The following PHC2 variants were observed in gnomAD, a reference collection of about 807,000 sequenced individuals.
PHC2 encodes polyhomeotic homolog 2.
Under a neutral mutation model 87.4 loss-of-function variants are expected in PHC2, and 29 were observed. The ratio of observed to expected loss-of-function variants is 0.33; its 90% CI spans 0.25 to 0.45. The LOEUF is 0.45. PHC2 is among the 20% of genes least tolerant of loss of function. The pLI is 1.00. For synonymous variants in PHC2, 438 were observed against 461.7 expected, an observed-to-expected ratio of 0.95 and a Z score of 0.66; for missense variants, 857 against 1,136.7, an observed-to-expected ratio of 0.75 and a Z score of 3.54.
chr1:33,380,095 G>T (rs561791226), intron 1 of PHC2, among the ~76,000 whole-genome samples: 5 of 152,332 alleles, frequency 3.3e-5, no homozygotes, highest in African/African-American at 1.2e-4. Context: ...TCACACTTTT[G>T]ATAGCTGTGG....
chr1:33,346,534 G>C lies in PHC2; in HGVS notation c.1558+7867C>G, dbSNP rs527375812. The C allele has an allele frequency of 4.3e-5, 42 of 985,108 alleles. No individual in the cohort carries two copies. In the South Asian group the frequency reaches 1.7e-3, roughly 40 times the overall value. 61.0% of individuals were successfully genotyped at this position (985,108 alleles called of 1,614,324 possible). ...TCTGGAGATTAAATATTGAACAGCT[G>C]GGAGAAGTTTAATATAAATTTAGAC... is the stretch of plus-strand genomic sequence containing the variant. On this transcript the variant is annotated intron_variant, in intron 9 of 14. Transcript: ENST00000683057.
At chr1:33,426,737 T>C (rs16835467) in intron 1 of PHC2, among the ~76,000 whole-genome samples, 14,907 of 152,118 alleles carry the variant, frequency 0.098, 1,035 homozygotes, top group East Asian at 0.28. Context: ...TTGTGCAGCA[T>C]GACATAGCAA....
chr1:33,387,651 T>C (rs537380160), intron 1 of PHC2, among the ~76,000 whole-genome samples: 2 of 152,236 alleles, frequency 1.3e-5, no homozygotes, highest in African/African-American at 4.8e-5. Flanking sequence ...CTGAGATTCA[T>C]AGAGGCCCTG....
intron 1 of PHC2, among the ~76,000 whole-genome samples, chr1:33,389,659 C>T (rs1648950914): frequency 2.0e-5 from 3 of 152,152 alleles, no homozygotes; most frequent in Admixed American, 2.0e-4. Context: ...AAATAATAGC[C>T]TTTAATTGCT....
chr1:33,328,765 C>T, intron 14 of PHC2, 105 bp downstream of exon 14: 1 of 1,139,546 alleles, frequency 8.8e-7, no homozygotes. Context: ...AGTTCCTGAA[C>T]CTGAGTCATT....
chr1:33,361,843 G>A lies in PHC2; in HGVS notation c.976+5273C>T, dbSNP rs560996734. Among the ~76,000 whole-genome samples, 8 of 152,334 alleles carry A rather than the reference G, an allele frequency of 5.3e-5. No homozygotes were observed. The South Asian group carries it at 1.7e-3, about 32-fold the overall frequency. On this transcript the variant is annotated intron_variant, in intron 7 of 14. Transcript: ENST00000683057. ...TAAGCTGGGTGGTGATGGAGCGTGGGAATGAGGGAGGGCTTTCTCTGTGCC... is the reference window on the plus strand; with the variant it reads ...TAAGCTGGGTGGTGATGGAGCGTGGAAATGAGGGAGGGCTTTCTCTGTGCC...
chr1:33,418,077 G>C (rs1157191754), intron 1 of PHC2, among the ~76,000 whole-genome samples: 3 of 152,126 alleles, frequency 2.0e-5, no homozygotes, highest in Non-Finnish European at 4.4e-5. Flanking sequence ...TATAGCTAAA[G>C]TAGTACTTAA....
intron 1 of PHC2, among the ~76,000 whole-genome samples, chr1:33,413,740 G>A (rs999877438): frequency 6.6e-6 from 1 of 152,200 alleles, no homozygotes; most frequent in East Asian, 1.9e-4. Flanking sequence ...GGCCTATATA[G>A]ATAATAACAA....
chr1:33,391,142 T>C (rs1324039520), intron 1 of PHC2, among the ~76,000 whole-genome samples: 1 of 152,198 alleles, frequency 6.6e-6, no homozygotes, highest in Non-Finnish European at 1.5e-5. Flanking sequence ...CAAAATCACC[T>C]GGAGGGTTTG....
intron 1 of PHC2, among the ~76,000 whole-genome samples, chr1:33,391,507 G>A (rs188494725): frequency 6.6e-6 from 1 of 152,214 alleles, no homozygotes; most frequent in East Asian, 1.9e-4. Flanking sequence ...ATCACTGTAC[G>A]GGACTGTATG....
At chr1:33,428,313 A>C (rs1380377456) in intron 1 of PHC2, among the ~76,000 whole-genome samples, 1 of 152,244 alleles carries the variant, frequency 6.6e-6, no homozygotes, top group Non-Finnish European at 1.5e-5. Flanking sequence ...ACACTGACTG[A>C]GAAGATTGCT....
chr1:33,330,299 A>G (rs1470941119), intron 12 of PHC2, 87 bp from the exon 13 acceptor site: 1 of 1,431,326 alleles, frequency 7.0e-7, no homozygotes, highest in African/African-American at 1.4e-5. Context: ...GCTGTCTGAC[A>G]AATTTTGAGT....
At chr1:33,402,105 T>TA (rs1400764451) in intron 1 of PHC2, among the ~76,000 whole-genome samples, 1 of 152,164 alleles carries the variant, frequency 6.6e-6, no homozygotes, top group Admixed American at 6.5e-5. Flanking sequence ...AAAATACCTA[T>TA]AACTCAAAAG....
intron 1 of PHC2, among the ~76,000 whole-genome samples, chr1:33,387,355 T>C (rs1648816310): frequency 6.6e-6 from 1 of 152,218 alleles, no homozygotes; most frequent in African/African-American, 2.4e-5. Flanking sequence ...CCTTGGAGTT[T>C]CCCTTTACAT....
intron 1 of PHC2, among the ~76,000 whole-genome samples, chr1:33,413,007 C>T (rs1650046590): frequency 1.3e-5 from 2 of 152,058 alleles, no homozygotes; most frequent in Admixed American, 1.3e-4. Flanking sequence ...GCTCTTGTCA[C>T]CCAGGCTGGA....
chr1:33,332,864 G>C lies in PHC2; in HGVS notation c.1762-460C>G, dbSNP rs932619300. 2.0e-5 allele frequency among the ~76,000 whole-genome samples: 3 copies of C among 152,170 alleles called. No homozygotes were observed. The highest frequency in any genetic ancestry group is 7.2e-5 in the African/African-American group (3 of 41,446). Reference sequence around the variant, plus strand: ...TTACCCCAATGCCTGACCCAAGCCAGAGGTACAGGCCGCCACAGAGTATAG... The same window carrying C: ...TTACCCCAATGCCTGACCCAAGCCACAGGTACAGGCCGCCACAGAGTATAG... On this transcript the variant is annotated intron_variant, in intron 10 of 14. Coordinates refer to ENST00000683057, the MANE Select transcript of PHC2 (RefSeq NM_001385109.1). The surrounding 1 kb of genome is among the most constrained non-coding windows in gnomAD (Gnocchi z 4.2).
chr1:33,343,468 CAAAAAAA>C (rs71006394), intron 9 of PHC2, among the ~76,000 whole-genome samples: 6 of 59,848 alleles, frequency 1.0e-4, no homozygotes, highest in South Asian at 9.2e-4. Context: ...GACTCTGTCT[CAAAAAAA>C]AAAAAAAAAA....
chr1:33,354,772 G>C, intron 8 of PHC2, 66 bp downstream of exon 8: 4 of 1,531,062 alleles, frequency 2.6e-6, no homozygotes, highest in Non-Finnish European at 3.6e-6. Context: ...TCTTGACGGG[G>C]CTGTGGGGTC....
intron 1 of PHC2, among the ~76,000 whole-genome samples, chr1:33,419,766 C>T (rs1237313057): frequency 5.9e-5 from 9 of 152,118 alleles, no homozygotes; most frequent in Non-Finnish European, 7.4e-5. Context: ...CCCGCTACCA[C>T]GCCCGGCTAA....
Sources: gnomAD v4.1 joint callset for allele counts (sites outside exome capture counted in the v4.1 genomes callset) on GRCh38, gnomAD v4.1.1 for gene constraint, Gnocchi (gnomAD v3.1) non-coding constraint, MANE v1.5 for transcripts, NCBI Gene and HGNC (gene_info 2026-07-23, HGNC 2026-07-21) for gene names.